The following PLA2G4D variants were observed in gnomAD, a reference collection of about 807,000 sequenced individuals.
The protein encoded by PLA2G4D is phospholipase A2 group IVD.
Under a neutral mutation model 94.4 loss-of-function variants are expected in PLA2G4D, and 80 were observed. That is an observed-to-expected ratio of 0.85 (90% CI 0.71 to 1.02). The LOEUF is 1.02. Ranked by LOEUF, PLA2G4D falls within the 50% of genes least tolerant of loss-of-function variation. The probability of loss-of-function intolerance (pLI) is 0.00; values close to 1 mark genes in which losing one functional copy is unlikely to be tolerated. For missense variants in PLA2G4D, 1,050 were observed against 1,034.7 expected (o/e 1.01, Z -0.20); for synonymous variants, 438 against 440.9 (o/e 0.99, Z 0.08).
At chr15:42,086,486 CTG>C in intron 3 of PLA2G4D, 142 bp from the exon 4 acceptor site, 1 of 742,704 alleles carries the variant, frequency 1.3e-6, no homozygotes, top group Non-Finnish European at 2.1e-6. Flanking sequence ...AAAAAAAAAA[CTG>C]TAAAACTTAA....
intron 4 of PLA2G4D, 125 bp downstream of exon 4, chr15:42,086,088 G>T: frequency 9.4e-7 from 1 of 1,065,328 alleles, no homozygotes; most frequent in Non-Finnish European, 1.3e-6. Flanking sequence ...CTAAAAAGGG[G>T]TTTAGATTTT....
At chr15:42,087,476 C>T in intron 2 of PLA2G4D, 40 bp from the exon 3 acceptor site, 1 of 1,613,118 alleles carries the variant, frequency 6.2e-7, no homozygotes, top group Non-Finnish European at 8.5e-7. Context: ...GAGTACTCCC[C>T]ACACCCCTCT....
chr15:42,070,671 C>T (rs776436059), intron 18 of PLA2G4D, 46 bp downstream of exon 18: 1 of 1,534,882 alleles, frequency 6.5e-7, no homozygotes, highest in Non-Finnish European at 8.8e-7. Flanking sequence ...GCCTCTGGAG[C>T]TTGGCCTGGC....
chr15:42,092,130 G>A (rs971437198), intron 1 of PLA2G4D, among the ~76,000 whole-genome samples: 1 of 151,996 alleles, frequency 6.6e-6, no homozygotes, highest in Non-Finnish European at 1.5e-5. Context: ...GAGACCCACC[G>A]ACCCTGTGGG....
intron 1 of PLA2G4D, among the ~76,000 whole-genome samples, chr15:42,088,755 G>A (rs1026997260): frequency 4.6e-5 from 7 of 152,128 alleles, no homozygotes; most frequent in African/African-American, 9.7e-5. Context: ...CCAGCAGAAA[G>A]AGCCCATGTC....
In PLA2G4D at chr15:42,087,849, G is replaced by T. The variant is rs942214275; in HGVS notation, c.46-149C>A. Reference sequence around the variant, plus strand: ...AGGCGTTCCGGGGACACCCTCTGGGGACCAAAGAGCCTTTGTCCACTTCTG... The same window carrying T: ...AGGCGTTCCGGGGACACCCTCTGGGTACCAAAGAGCCTTTGTCCACTTCTG... On this transcript the variant is annotated intron_variant, in intron 1 of 19. Coordinates refer to ENST00000290472, the MANE Select transcript of PLA2G4D (RefSeq NM_178034.4). The T allele has an allele frequency of 9.8e-5, 75 of 762,200 alleles. No individual in the cohort carries two copies. The African/African-American group carries it at 1.2e-3, about 12-fold the overall frequency. The allele number at this position is 762,200 out of a possible 1,614,324, so 47.2% of individuals were successfully genotyped here.
At chr15:42,074,554 A>T (rs1319833436) in intron 13 of PLA2G4D, among the ~76,000 whole-genome samples, 1 of 152,202 alleles carries the variant, frequency 6.6e-6, no homozygotes, top group Non-Finnish European at 1.5e-5. Context: ...AGTGTATTTT[A>T]CGAGCGGGTT....
chr15:42,082,141 A>G (rs1489655643), intron 9 of PLA2G4D, 138 bp downstream of exon 9: 1 of 767,960 alleles, frequency 1.3e-6, no homozygotes, highest in East Asian at 2.7e-5. Flanking sequence ...CATGTTGGCC[A>G]GGCTGTTCTC....
chr15:42,094,288 T>A, intron 1 of PLA2G4D, 127 bp downstream of exon 1: 18 of 970,414 alleles, frequency 1.9e-5, no homozygotes, highest in East Asian at 9.7e-5. Context: ...GCATCCCAAA[T>A]CTCAGACTCC....
chr15:42,071,541 G>A lies in PLA2G4D; in HGVS notation c.1584C>T (p.Ser528=). ...CCAGCAGGTTCAGGGAGAAAATGTT[G>A]CTCCAGATGGCTGAGGAACACCAAA... ...PRICFLEAIW[S]NIFSLNLLDA... The change falls in exon 16 of 20, where the codon AGC becomes AGT. Residue 528 remains serine, a synonymous_variant. Coordinates refer to ENST00000290472, the MANE Select transcript of PLA2G4D (RefSeq NM_178034.4). 6.2e-7 allele frequency: 1 copy of A among 1,612,966 alleles called. No homozygotes were observed. The highest frequency in any genetic ancestry group is 8.5e-7 in the Non-Finnish European group (1 of 1,179,250).
chr15:42,073,845 C>A (rs185287165), intron 13 of PLA2G4D, among the ~76,000 whole-genome samples: 1 of 152,192 alleles, frequency 6.6e-6, no homozygotes, highest in Non-Finnish European at 1.5e-5. Flanking sequence ...ACTCAACACA[C>A]CCAGTGTGTG....
chr15:42,091,264 T>C (rs1890239716), intron 1 of PLA2G4D, among the ~76,000 whole-genome samples: 1 of 152,242 alleles, frequency 6.6e-6, no homozygotes, highest in Non-Finnish European at 1.5e-5. Context: ...TTAGATACGA[T>C]TATATATGAA....
intron 1 of PLA2G4D, 116 bp downstream of exon 1, chr15:42,094,299 C>CT (rs1288641485): frequency 6.3e-5 from 79 of 1,254,200 alleles, no homozygotes; most frequent in Non-Finnish European, 8.3e-5. Flanking sequence ...CTCAGACTCC[C>CT]TCGCCCTCTG....
Position 42,091,177 on chromosome 15 carries a change from G to A in PLA2G4D, c.45+3238C>T, listed in dbSNP as rs578207307. On this transcript the variant is annotated intron_variant, in intron 1 of 19. Coordinates refer to ENST00000290472, the MANE Select transcript of PLA2G4D (RefSeq NM_178034.4). Reference sequence around the variant, plus strand: ...GTGGGTGGCAAGCCACCCAGGCGCCGAGGCAAGAGACCGAGGATACAAGCT... The same window carrying A: ...GTGGGTGGCAAGCCACCCAGGCGCCAAGGCAAGAGACCGAGGATACAAGCT... 1.7e-3 allele frequency among the ~76,000 whole-genome samples: 254 copies of A among 152,330 alleles called. 3 individuals carry two copies. The South Asian group carries it at 0.026, about 16-fold the overall frequency.
chr15:42,085,415 A>G, intron 5 of PLA2G4D, 76 bp downstream of exon 5: 1 of 1,509,486 alleles, frequency 6.6e-7, no homozygotes, highest in Non-Finnish European at 9.2e-7. Context: ...GACTGACCAC[A>G]GGGAGATCTG....
intron 4 of PLA2G4D, among the ~76,000 whole-genome samples, chr15:42,086,012 C>T (rs1890137318): frequency 6.6e-6 from 1 of 152,260 alleles, no homozygotes; most frequent in Non-Finnish European, 1.5e-5. Context: ...GCTAAAATTC[C>T]TCCACTGGGT....
chr15:42,088,597 A>G (rs1890195620), intron 1 of PLA2G4D, among the ~76,000 whole-genome samples: 1 of 152,170 alleles, frequency 6.6e-6, no homozygotes, highest in South Asian at 2.1e-4. Context: ...CAGGTTTCTT[A>G]TAAGCCCCTT....
At chr15:42,070,622 C>A in intron 18 of PLA2G4D, 95 bp downstream of exon 18, 1 of 1,377,734 alleles carries the variant, frequency 7.3e-7, no homozygotes, top group Non-Finnish European at 9.8e-7. Context: ...CTTCGGGACC[C>A]CGGCGGTGTG....
At chr15:42,079,830 A>T (rs1371306361) in intron 12 of PLA2G4D, 71 bp from the exon 13 acceptor site, 17 of 1,463,908 alleles carry the variant, frequency 1.2e-5, no homozygotes, top group Non-Finnish European at 1.6e-5. Flanking sequence ...CCTGCTTCCC[A>T]CTCGGCAGCT....
Sources: allele counts gnomAD v4.1 joint callset (sites outside exome capture counted in the v4.1 genomes callset), GRCh38; gene constraint gnomAD v4.1.1; transcripts MANE v1.5; gene names NCBI Gene and HGNC (gene_info 2026-07-23, HGNC 2026-07-21).